The following PCDHGA2 variants were observed in gnomAD, a reference collection of about 807,000 sequenced individuals.
PCDHGA2 encodes protocadherin gamma-A2.
Under a neutral mutation model 59.2 loss-of-function variants are expected in PCDHGA2, and 40 were observed. The ratio of observed to expected loss-of-function variants is 0.68; its 90% CI spans 0.52 to 0.88. The LOEUF (loss-of-function observed/expected upper bound fraction) is 0.88. PCDHGA2 is among the 40% of genes least tolerant of loss of function. PCDHGA2 has a pLI of 0.00. For synonymous variants in PCDHGA2, 560 were observed against 526.0 expected, an observed-to-expected ratio of 1.06 and a Z score of -0.89; for missense variants, 1,226 against 1,204.0, an observed-to-expected ratio of 1.02 and a Z score of -0.27.
chr5:141,418,579 A>C, intron 1 of PCDHGA2: 1 of 1,614,000 alleles, frequency 6.2e-7, no homozygotes. Context: ...ACAACCCCCC[A>C]GTGTTCAGCC....
intron 1 of PCDHGA2, chr5:141,365,450 G>A: frequency 6.2e-7 from 1 of 1,614,010 alleles, no homozygotes; most frequent in Non-Finnish European, 8.5e-7. Context: ...CGTACATGAT[G>A]GTGATTCTGG....
intron 1 of PCDHGA2, chr5:141,370,885 T>C: frequency 9.9e-6 from 16 of 1,613,994 alleles, no homozygotes; most frequent in Non-Finnish European, 1.4e-5. Context: ...GATGTAGGTG[T>C]CAATTCGCTG....
At chr5:141,380,024 C>T (rs1326280237) in intron 1 of PCDHGA2, among the ~76,000 whole-genome samples, 1 of 150,698 alleles carries the variant, frequency 6.6e-6, no homozygotes, top group Non-Finnish European at 1.5e-5. Flanking sequence ...CTCAGCCTCC[C>T]AAGTAGCTGG....
chr5:141,423,868 T>G (rs2154550529), intron 1 of PCDHGA2: 1 of 1,283,788 alleles, frequency 7.8e-7, no homozygotes, highest in East Asian at 3.1e-5. Flanking sequence ...GTGAAAGTCA[T>G]TTTTCAATCT....
At position 141,485,939 on chromosome 5, in the gene PCDHGA2, C is replaced by A; in HGVS notation, c.2425-8868C>A. ...CAGGATTAGTGTGTTGGAGAGCGCA[C>A]CAGCGGGCATGGTGCTCATCCAGCT... On this transcript the variant is annotated intron_variant, in intron 1 of 3. Transcript: ENST00000394576. This position sits in a 1 kb window ranked among gnomAD's most constrained non-coding sequence, Gnocchi z 5.7. 1 of 1,614,140 alleles carries A rather than the reference C, an allele frequency of 6.2e-7. No homozygotes were observed. The highest frequency in any genetic ancestry group is 8.5e-7 in the Non-Finnish European group (1 of 1,180,030).
chr5:141,366,830 C>T, intron 1 of PCDHGA2: 1 of 1,521,896 alleles, frequency 6.6e-7, no homozygotes, highest in Non-Finnish European at 8.8e-7. Context: ...TATTCAGAAT[C>T]AGCTAGTTAT....
chr5:141,359,428 G>A (rs1561518196), intron 1 of PCDHGA2, among the ~76,000 whole-genome samples: 1 of 151,478 alleles, frequency 6.6e-6, no homozygotes, highest in East Asian at 1.9e-4. Flanking sequence ...TGTTAGAATG[G>A]GCAGTGGGTT....
intron 1 of PCDHGA2, among the ~76,000 whole-genome samples, chr5:141,380,299 C>T (rs1776363020): frequency 6.6e-6 from 1 of 152,092 alleles, no homozygotes; most frequent in Non-Finnish European, 1.5e-5. Context: ...ATACCTATAT[C>T]TTTGCTTGAG....
chr5:141,465,759 A>G (rs2099108647), intron 1 of PCDHGA2, among the ~76,000 whole-genome samples: 2 of 151,280 alleles, frequency 1.3e-5, no homozygotes, highest in South Asian at 4.2e-4. Context: ...TGGTAAAGTC[A>G]TGTTTCATCT....
At chr5:141,343,550 A>T (rs73265813) in intron 1 of PCDHGA2, among the ~76,000 whole-genome samples, 116 of 152,338 alleles carry the variant, frequency 7.6e-4, no homozygotes, top group African/African-American at 2.6e-3. Context: ...TAAACTGAAC[A>T]ATTCAAAAAA....
chr5:141,364,567 G>C, intron 1 of PCDHGA2: 1 of 1,614,130 alleles, frequency 6.2e-7, no homozygotes, highest in Non-Finnish European at 8.5e-7. Flanking sequence ...CCCTGAACCC[G>C]CGAAGCGGCA....
At chr5:141,351,408 A>G (rs754223398) in intron 1 of PCDHGA2, 1 of 1,611,512 alleles carries the variant, frequency 6.2e-7, no homozygotes, top group Non-Finnish European at 8.5e-7. Context: ...TGCTATACTC[A>G]GGAAGAAGTT....
chr5:141,362,453 A>G (rs759632771), intron 1 of PCDHGA2: 1 of 1,614,024 alleles, frequency 6.2e-7, no homozygotes, highest in South Asian at 1.1e-5. Context: ...ATAACCCCGG[A>G]ATTGGTTCCC....
intron 1 of PCDHGA2, chr5:141,398,946 C>A: frequency 6.2e-7 from 1 of 1,613,948 alleles, no homozygotes; most frequent in Non-Finnish European, 8.5e-7. Flanking sequence ...ACGAGGGCAT[C>A]AACTCAGAAA....
At position 141,356,954 on chromosome 5, in the gene PCDHGA2, G is replaced by C. The variant is rs769188767; in HGVS notation, c.2424+15559G>C. On this transcript the variant is annotated intron_variant, in intron 1 of 3. Coordinates refer to ENST00000394576, the MANE Select transcript of PCDHGA2 (RefSeq NM_018915.4). ...CTGGCACCCCGCTCCGCAGATTCCG[G>C]CTACCTGGTGACCAAAGTGGTGGCA... is the stretch of plus-strand genomic sequence containing the variant. The C allele has an allele frequency of 1.5e-5, 24 of 1,614,098 alleles. No individual in the cohort carries two copies. The Admixed American group carries it at 4.0e-4, about 27-fold the overall frequency.
chr5:141,364,879 A>C (rs1457697682), intron 1 of PCDHGA2: 3 of 1,613,862 alleles, frequency 1.9e-6, no homozygotes, highest in Non-Finnish European at 1.7e-6. Flanking sequence ...TGGATGTGGT[A>C]AGCGGAACTG....
At chr5:141,472,980 C>CAAAAAAA (rs60579131) in intron 1 of PCDHGA2, among the ~76,000 whole-genome samples, 1 of 86,102 alleles carries the variant, frequency 1.2e-5, no homozygotes, top group South Asian at 4.3e-4. Flanking sequence ...GAGTGAAACT[C>CAAAAAAA]AAAAAAAAAA....
At chr5:141,383,567 C>T in intron 1 of PCDHGA2, 1 of 1,613,214 alleles carries the variant, frequency 6.2e-7, no homozygotes, top group Non-Finnish European at 8.5e-7. Context: ...CCGCCCCGAT[C>T]CAGCACCGCC....
intron 1 of PCDHGA2, among the ~76,000 whole-genome samples, chr5:141,435,921 C>T (rs767290430): frequency 1.3e-5 from 2 of 152,186 alleles, no homozygotes; most frequent in Admixed American, 6.5e-5. Context: ...CTCTAAAATG[C>T]GGCAGTTGCT....
Sources: allele counts gnomAD v4.1 joint callset (sites outside exome capture counted in the v4.1 genomes callset), GRCh38; gene constraint gnomAD v4.1.1; non-coding constraint Gnocchi (gnomAD v3.1); transcripts MANE v1.5; gene names NCBI Gene and HGNC (gene_info 2026-07-23, HGNC 2026-07-21).